The following ROBO1 variants were observed in gnomAD, a reference collection of about 807,000 sequenced individuals.
ROBO1 encodes roundabout homolog 1.
Under a neutral mutation model 195.9 loss-of-function variants are expected in ROBO1, and 149 were observed. The ratio of observed to expected loss-of-function variants is 0.76; its 90% confidence interval spans 0.67 to 0.87. The LOEUF (loss-of-function observed/expected upper bound fraction) is 0.87. Ranked by LOEUF, ROBO1 falls within the 40% of genes least tolerant of loss-of-function variation. The pLI is 0.00. For missense variants in ROBO1, 1,933 were observed against 2,068.3 expected, an observed-to-expected ratio of 0.93 and a Z score of 1.27; for synonymous variants, 816 against 733.2, an observed-to-expected ratio of 1.11 and a Z score of -1.82.
At chr3:79,140,654 C>A (rs2080506231) in intron 2 of ROBO1, among the ~76,000 whole-genome samples, 1 of 152,036 alleles carries the variant, frequency 6.6e-6, no homozygotes, top group African/African-American at 2.4e-5. Flanking sequence ...AAGCAAAATC[C>A]TACATATTTG....
In ROBO1 at chr3:78,659,668, T is replaced by C. The variant is rs927663784; in HGVS notation, c.2442+18A>G. ...CTGCCCATCAGGACATTAATATATA[T>C]ATATATTATACTCATACCTTATACT... On this transcript the variant is annotated intron_variant, in intron 17 of 30. Coordinates refer to ENST00000464233, the MANE Select transcript of ROBO1 (RefSeq NM_002941.4). The C allele has an allele frequency of 4.1e-6, 6 of 1,472,298 alleles. No individual in the cohort carries two copies. The highest frequency in any genetic ancestry group is 2.4e-5 in the Admixed American group (1 of 41,868). 91.2% of individuals were successfully genotyped at this position (1,472,298 alleles called of 1,614,324 possible).
At chr3:79,158,210 C>G (rs185821089) in intron 2 of ROBO1, among the ~76,000 whole-genome samples, 1 of 151,510 alleles carries the variant, frequency 6.6e-6, no homozygotes, top group African/African-American at 2.4e-5. Flanking sequence ...GAGTAGAGTA[C>G]CTTTCAACAT....
chr3:79,452,287 G>A (rs926761242), intron 2 of ROBO1, among the ~76,000 whole-genome samples: 1 of 151,904 alleles, frequency 6.6e-6, no homozygotes, highest in Non-Finnish European at 1.5e-5. Flanking sequence ...TAAACCACAT[G>A]GGGCCCATCA....
At chr3:79,512,540 A>G (rs1940761632) in intron 2 of ROBO1, among the ~76,000 whole-genome samples, 1 of 152,154 alleles carries the variant, frequency 6.6e-6, no homozygotes, top group African/African-American at 2.4e-5. Context: ...TCCTTTTTAC[A>G]TATTCGAGTT....
chr3:79,081,689 C>T (rs971952307), intron 3 of ROBO1, among the ~76,000 whole-genome samples: 1 of 152,118 alleles, frequency 6.6e-6, no homozygotes, highest in Non-Finnish European at 1.5e-5. Flanking sequence ...CAATAGAGAC[C>T]TTTAGCTGTT....
intron 3 of ROBO1, among the ~76,000 whole-genome samples, chr3:78,980,871 T>C (rs981246943): frequency 4.6e-5 from 7 of 152,202 alleles, no homozygotes; most frequent in African/African-American, 1.4e-4. Context: ...AGGAAATAAT[T>C]ATTGGAAATA....
intron 2 of ROBO1, among the ~76,000 whole-genome samples, chr3:79,463,406 C>CA (rs1327569033): frequency 6.7e-6 from 1 of 149,408 alleles, no homozygotes; most frequent in Non-Finnish European, 1.5e-5. Context: ...AAACAAAAAA[C>CA]AAAAAACCAC....
At chr3:79,563,942 G>A (rs1008988155) in intron 2 of ROBO1, among the ~76,000 whole-genome samples, 1 of 151,608 alleles carries the variant, frequency 6.6e-6, no homozygotes, top group African/African-American at 2.4e-5. Context: ...TTTAACTTAT[G>A]TAAATTGACT....
At chr3:79,204,120 AGATAT>A (rs1272172738) in intron 2 of ROBO1, among the ~76,000 whole-genome samples, 1 of 152,192 alleles carries the variant, frequency 6.6e-6, no homozygotes, top group Admixed American at 6.5e-5. Flanking sequence ...TTTTTGAGGT[AGATAT>A]GATATTTTGA....
chr3:79,018,824 G>T (rs996247910), intron 3 of ROBO1: 5 of 1,015,456 alleles, frequency 4.9e-6, no homozygotes, highest in Non-Finnish European at 5.9e-6. Flanking sequence ...CCCACAATGT[G>T]CGGCCGAGCG....
chr3:78,889,955 A>C (rs2036793602), intron 4 of ROBO1, among the ~76,000 whole-genome samples: 1 of 152,046 alleles, frequency 6.6e-6, no homozygotes, highest in Admixed American at 6.6e-5. Flanking sequence ...TCACTCTCTC[A>C]GCGAGGCCTG....
chr3:79,079,644 A>G (rs1453540094), intron 3 of ROBO1, among the ~76,000 whole-genome samples: 2 of 151,850 alleles, frequency 1.3e-5, no homozygotes, highest in East Asian at 3.9e-4. Flanking sequence ...GATCTGGTAT[A>G]AAATTAAACA....
chr3:78,681,793 T>C (rs570993572), intron 10 of ROBO1, among the ~76,000 whole-genome samples: 1 of 152,092 alleles, frequency 6.6e-6, no homozygotes, highest in Non-Finnish European at 1.5e-5. Flanking sequence ...TCCCAGCTAC[T>C]CGAGAGGCTG....
At chr3:78,729,585 C>G (rs2082241695) in intron 5 of ROBO1, among the ~76,000 whole-genome samples, 1 of 152,070 alleles carries the variant, frequency 6.6e-6, no homozygotes, top group Non-Finnish European at 1.5e-5. Flanking sequence ...TAGTATTAAC[C>G]AGGAACAGAC....
intron 2 of ROBO1, among the ~76,000 whole-genome samples, chr3:79,173,781 G>A (rs1484677327): frequency 1.3e-5 from 2 of 152,184 alleles, no homozygotes; most frequent in African/African-American, 2.4e-5. Flanking sequence ...AGTCAGCTGG[G>A]CTCCTGAGTC....
intron 2 of ROBO1, among the ~76,000 whole-genome samples, chr3:79,439,806 T>G (rs2038996478): frequency 6.6e-6 from 1 of 152,104 alleles, no homozygotes; most frequent in Non-Finnish European, 1.5e-5. Flanking sequence ...TTATGTTCAT[T>G]CTTAGTTGGA....
At chr3:79,093,715 T>A (rs2079518635) in intron 3 of ROBO1, among the ~76,000 whole-genome samples, 1 of 151,970 alleles carries the variant, frequency 6.6e-6, no homozygotes, top group Non-Finnish European at 1.5e-5. Context: ...AATATTTCAC[T>A]AAATGAAATA....
intron 4 of ROBO1, among the ~76,000 whole-genome samples, chr3:78,776,842 G>A (rs333476): frequency 0.97 from 147,357 of 152,274 alleles, 71,481 homozygotes; most frequent in East Asian, 1. Flanking sequence ...CATATAGAAA[G>A]GGAGGATAAT....
intron 10 of ROBO1, among the ~76,000 whole-genome samples, chr3:78,676,441 A>G (rs1708433777): frequency 6.6e-6 from 1 of 152,192 alleles, no homozygotes. Context: ...AATTTAGACG[A>G]ATGTATAACT....
Sources: gnomAD v4.1 joint callset for allele counts (sites outside exome capture counted in the v4.1 genomes callset) on GRCh38, gnomAD v4.1.1 for gene constraint, MANE v1.5 for transcripts, NCBI Gene and HGNC (gene_info 2026-07-23, HGNC 2026-07-21) for gene names.